NFS1: variants seen among roughly 807,000 people sequenced by gnomAD.
The protein encoded by NFS1 is NFS1 cysteine desulfurase, also known as cysteine desulfurase.
In NFS1, 26 loss-of-function variants were observed where a neutral mutation model predicts 57.3. The ratio of observed to expected loss-of-function variants is 0.45; its 90% confidence interval spans 0.33 to 0.63. NFS1 has a LOEUF of 0.63. NFS1 is among the 20% of genes least tolerant of loss of function. NFS1 has a pLI of 0.02. For missense variants in NFS1, 505 were observed against 605.8 expected (o/e 0.83, Z 1.75); for synonymous variants, 209 against 216.3 (o/e 0.97, Z 0.30).
In NFS1 at chr20:35,675,161, C is replaced by G. The variant is rs371791586; in HGVS notation, c.832G>C (p.Val278Leu). 8 of 1,613,724 alleles carry G rather than the reference C, an allele frequency of 5.0e-6. No homozygotes were observed. The highest frequency in any genetic ancestry group is 5.9e-6 in the Non-Finnish European group (7 of 1,179,992). ...CCCCCTCCACTCTGCAGGGCCTCCA[C>G]ACGCACACGGGGCCGGCGACGGATG... Reference protein sequence around the residue: ...IYIRRRPRVRVEALQSGGGQE... With the variant: ...IYIRRRPRVRLEALQSGGGQE... The change falls in exon 8 of 13, where the codon GTG (valine) becomes CTG (leucine). Residue 278 changes from valine to leucine, a missense_variant. Transcript: ENST00000374092.
At chr20:35,675,391 G>T in intron 7 of NFS1, 189 bp from the exon 8 acceptor site, 1 of 654,348 alleles carries the variant, frequency 1.5e-6, no homozygotes. Flanking sequence ...TTTAACATCT[G>T]GAAGATAAAT....
intron 5 of NFS1, among the ~76,000 whole-genome samples, chr20:35,684,828 C>T (rs914382471): frequency 3.3e-5 from 5 of 151,872 alleles, no homozygotes; most frequent in Non-Finnish European, 7.4e-5. Flanking sequence ...CTTTGGGAGG[C>T]TGAGGTCAGA....
At position 35,699,146 on chromosome 20, in the gene NFS1, G is replaced by A. The variant is rs2035197439; in HGVS notation, c.97+46C>T. 7.3e-7 allele frequency: 1 copy of A among 1,374,780 alleles called. No individual in the cohort carries two copies. Among genetic ancestry groups the A allele is most frequent in the Non-Finnish European group, 9.3e-7 (1 of 1,071,594 alleles). The allele number at this position is 1,374,780 out of a possible 1,614,324, so 85.2% of individuals were successfully genotyped here. A position where few individuals can be genotyped will look rare whatever the true frequency, so the allele number is the denominator to read the frequency against. On this transcript the variant is annotated intron_variant, in intron 1 of 12. Transcript: ENST00000374092. The surrounding 1 kb of genome is among the most constrained non-coding windows in gnomAD (Gnocchi z 4.4). ...GGAATATTCAGTTGCGTCGCCGCGC[G>A]GAGGGGACAGGTCCGCGCCTCCCGG...
rs780425522 is a variant in NFS1 at position 35,698,648 on chromosome 20, G to A, written c.98-58C>T. ...GACCGAAGGCAACTATGAACGCATG[G>A]CATCCAAAGGGCAGAAGGAAAAATC... On this transcript the variant is annotated intron_variant, in intron 1 of 12. Transcript: ENST00000374092. The A allele has an allele frequency of 9.9e-6, 15 of 1,519,348 alleles. No individual in the cohort carries two copies. In the South Asian group the frequency reaches 1.9e-4, roughly 19 times the overall value. The allele number at this position is 1,519,348 out of a possible 1,614,324, so 94.1% of individuals were successfully genotyped here.
intron 5 of NFS1, among the ~76,000 whole-genome samples, chr20:35,688,134 G>A (rs1354235031): frequency 6.6e-6 from 1 of 151,606 alleles, no homozygotes; most frequent in Non-Finnish European, 1.5e-5. Flanking sequence ...CTGTAATCTC[G>A]GCTACTTGAG....
Position 35,670,281 on chromosome 20 carries a change from A to C in NFS1, c.1311-596T>G, listed in dbSNP as rs557673048. The stretch of plus-strand genomic sequence containing the variant: ...TTCCAATATCCCTGGGTCTAATCCA[A>C]AAGAATTCCTTGGATCTTAGACCTG... On this transcript the variant is annotated intron_variant, in intron 12 of 12. Coordinates refer to ENST00000374092, the MANE Select transcript of NFS1 (RefSeq NM_021100.5). Among the ~76,000 whole-genome samples the C allele has an allele frequency of 1.3e-3, 205 of 152,262 alleles. 5 individuals carry two copies. The highest frequency in any genetic ancestry group is 1.9e-3 in the South Asian group (9 of 4,818).
chr20:35,693,940 C>T (rs899269141), intron 4 of NFS1, among the ~76,000 whole-genome samples: 26 of 151,456 alleles, frequency 1.7e-4, no homozygotes, highest in Admixed American at 1.4e-3. Flanking sequence ...CCAGCCTGGG[C>T]GACAGAGCCA....
At chr20:35,684,951 G>A (rs1193872789) in intron 5 of NFS1, among the ~76,000 whole-genome samples, 2 of 150,612 alleles carry the variant, frequency 1.3e-5, no homozygotes, top group Non-Finnish European at 2.9e-5. Context: ...GCAGTGGCGG[G>A]GTCTCACTCA....
chr20:35,682,018 A>C (rs2034856755), intron 5 of NFS1, 37 bp from the exon 6 acceptor site: 2 of 1,232,032 alleles, frequency 1.6e-6, no homozygotes, highest in Non-Finnish European at 2.4e-6. Context: ...TAGATAGTAC[A>C]AACAAAGTCC....
chr20:35,689,317 G>T (rs1013754696), intron 5 of NFS1, among the ~76,000 whole-genome samples: 1 of 152,012 alleles, frequency 6.6e-6, no homozygotes, highest in Non-Finnish European at 1.5e-5. Context: ...GTGAAACTCT[G>T]TCTCTACTAA....
intron 5 of NFS1, among the ~76,000 whole-genome samples, chr20:35,686,805 A>T (rs188663306): frequency 9.9e-5 from 15 of 152,284 alleles, no homozygotes; most frequent in Admixed American, 2.6e-4. Context: ...ATAAAATAAG[A>T]ATAGTTATAC....
intron 7 of NFS1, among the ~76,000 whole-genome samples, chr20:35,680,105 C>A (rs1365553576): frequency 6.6e-6 from 1 of 152,126 alleles, no homozygotes; most frequent in Non-Finnish European, 1.5e-5. Flanking sequence ...GAGATCAAGA[C>A]CATCCTGGCT....
Position 35,690,439 on chromosome 20 carries a change from G to T in NFS1, c.535C>A (p.Gln179Lys), listed in dbSNP as rs769152638. 6.2e-7 allele frequency: 1 copy of T among 1,613,758 alleles called. No homozygotes were observed. Among genetic ancestry groups the T allele is most frequent in the Middle Eastern group, 1.7e-4 (1 of 5,930 alleles). ...EGFQVTYLPVQKSGIIDLKEL... is the reference protein window; with the variant it reads ...EGFQVTYLPVKKSGIIDLKEL... ...TTTAGGTCAATGATCCCACTCTTCT[G>T]CACTGGGAGGTAGGTGACCTGAAAG... Residue 179 changes from glutamine to lysine, a missense_variant, in exon 5 of 13, where the codon CAG (glutamine) becomes AAG (lysine). Coordinates refer to ENST00000374092, the MANE Select transcript of NFS1 (RefSeq NM_021100.5).
In NFS1 at chr20:35,675,027, G is replaced by A; in HGVS notation, c.948+18C>T. 6.2e-7 allele frequency: 1 copy of A among 1,613,852 alleles called. No homozygotes were observed. Among genetic ancestry groups the A allele is most frequent in the Non-Finnish European group, 8.5e-7 (1 of 1,179,818 alleles). On this transcript the variant is annotated intron_variant, in intron 8 of 12. Coordinates refer to ENST00000374092, the MANE Select transcript of NFS1 (RefSeq NM_021100.5). ...GCACAGGGGAAGAAGTTGTGGGAGG[G>A]AACTGCTCTCCCCATACCTCCATCT...
Position 35,668,993 on chromosome 20 carries a change from T to G in NFS1, c.*629A>C, listed in dbSNP as rs2034609601. On this transcript the variant is annotated 3_prime_UTR_variant, in exon 13 of 13. Coordinates refer to ENST00000374092, the MANE Select transcript of NFS1 (RefSeq NM_021100.5). ...ATAGAAGGTGAGTTTATTTCTCCAG[T>G]CTTGAAATTAACAATTTTCAAGAAA... 6.6e-6 allele frequency: 1 copy of G among 152,166 alleles called. No individual in the cohort carries two copies. Among genetic ancestry groups the G allele is most frequent in the African/African-American group, 2.4e-5 (1 of 41,432 alleles). 9.4% of individuals were successfully genotyped at this position (152,166 alleles called of 1,614,324 possible). A position where few individuals can be genotyped will look rare whatever the true frequency, so the allele number is the denominator to read the frequency against.
intron 4 of NFS1, among the ~76,000 whole-genome samples, chr20:35,692,985 C>CA (rs1158333925): frequency 6.7e-6 from 1 of 150,302 alleles, no homozygotes. Flanking sequence ...CTGGGTGACA[C>CA]AGCAAGACTC....
At chr20:35,684,922 C>T (rs1270179279) in intron 5 of NFS1, among the ~76,000 whole-genome samples, 1 of 150,694 alleles carries the variant, frequency 6.6e-6, no homozygotes, top group Non-Finnish European at 1.5e-5. Flanking sequence ...GAGTCTTGCT[C>T]TGTTTCCCAA....
chr20:35,687,457 G>A (rs1182921197), intron 5 of NFS1, among the ~76,000 whole-genome samples: 1 of 152,052 alleles, frequency 6.6e-6, no homozygotes, highest in Non-Finnish European at 1.5e-5. Flanking sequence ...CTGCCAGGCA[G>A]GGAAGGGCCC....
At position 35,677,161 on chromosome 20, in the gene NFS1, G is replaced by A. The variant is rs993716525; in HGVS notation, c.791-1959C>T. Reference sequence around the variant, plus strand: ...ATTACAGGCGTGTGCCACTGCACCTGGCTGTCTGTGCACTTTTTTGTAGCT... The same window carrying A: ...ATTACAGGCGTGTGCCACTGCACCTAGCTGTCTGTGCACTTTTTTGTAGCT... On this transcript the variant is annotated intron_variant, in intron 7 of 12. Coordinates refer to ENST00000374092, the MANE Select transcript of NFS1 (RefSeq NM_021100.5). 3.3e-5 allele frequency among the ~76,000 whole-genome samples: 5 copies of A among 152,262 alleles called. No individual in the cohort carries two copies. In the South Asian group the frequency reaches 1.0e-3, roughly 32 times the overall value.
Sources: allele counts gnomAD v4.1 joint callset (sites outside exome capture counted in the v4.1 genomes callset), GRCh38; gene constraint gnomAD v4.1.1; non-coding constraint Gnocchi (gnomAD v3.1); transcripts MANE v1.5; gene names NCBI Gene and HGNC (gene_info 2026-07-23, HGNC 2026-07-21).